Variants in MKS1 observed in about 807,000 individuals in gnomAD.
MKS1 encodes MKS transition zone complex subunit 1.
A neutral mutation model predicts 83.7 loss-of-function variants in MKS1; 70 were observed. The observed-to-expected ratio is 0.84, with a 90% confidence interval of 0.69 to 1.02. The LOEUF is 1.02. Ranked by LOEUF, MKS1 falls within the 50% of genes least tolerant of loss-of-function variation. The pLI is 0.00. For synonymous variants in MKS1, 251 were observed against 273.4 expected (o/e 0.92, Z 0.81); for missense variants, 681 against 726.9 (o/e 0.94, Z 0.73).
Position 58,216,748 on chromosome 17 carries a change from A to G in MKS1, c.191-12T>C, listed in dbSNP as rs778364882. ...TGGGCGGTGTCCACCTCCAAAGACA[A>G]CAGAGTGAATCAAATGCTTGAGCCA... is the stretch of plus-strand genomic sequence containing the variant. On this transcript the variant is annotated splice_polypyrimidine_tract_variant and intron_variant, in intron 2 of 17. Coordinates refer to ENST00000393119, the MANE Select transcript of MKS1 (RefSeq NM_017777.4). The G allele has an allele frequency of 6.2e-7, 1 of 1,613,932 alleles. No individual in the cohort carries two copies. The highest frequency in any genetic ancestry group is 1.7e-5 in the Admixed American group (1 of 60,012).
At position 58,205,814 on chromosome 17, in the gene MKS1, CA is replaced by C; in HGVS notation, c.*264del. 1 of 1,439,710 alleles carries C rather than the reference CA, an allele frequency of 6.9e-7. No homozygotes were observed. Among genetic ancestry groups the C allele is most frequent in the Non-Finnish European group, 9.2e-7 (1 of 1,090,860 alleles). 89.2% of individuals were successfully genotyped at this position (1,439,710 alleles called of 1,614,324 possible). A position where few individuals can be genotyped will look rare whatever the true frequency, so the allele number is the denominator to read the frequency against. On this transcript the variant is annotated 3_prime_UTR_variant, in exon 18 of 18. Transcript: ENST00000393119. ...GGGGTCACCCCAAACAGCTTCAGAT[CA>C]AAAAGCCTGCCTTGCTGTGATGCCC...
intron 12 of MKS1, 80 bp from the exon 13 acceptor site, chr17:58,208,254 C>T (rs757678829): frequency 3.8e-5 from 52 of 1,361,878 alleles, no homozygotes; most frequent in Non-Finnish European, 5.3e-5. Flanking sequence ...AGGTTATCTT[C>T]ACAAGGGAAA....
rs766174298 is a variant in MKS1 at position 58,218,675 on chromosome 17, G to C, written c.135C>G (p.Ala45=). The C allele has an allele frequency of 6.2e-7, 1 of 1,613,932 alleles. No individual in the cohort carries two copies. The highest frequency in any genetic ancestry group is 8.5e-7 in the Non-Finnish European group (1 of 1,179,938). Reference sequence around the variant, plus strand: ...AGTCTATGAGGTCCTTCCCGAGCTCGGCAGCAGGCTGATAATGAAGAAAGT... The same window carrying C: ...AGTCTATGAGGTCCTTCCCGAGCTCCGCAGCAGGCTGATAATGAAGAAAGT... ...SSNFLHYQPA[A]ELGKDLIDLA... is the part of the protein sequence containing the mutation. Residue 45 remains alanine (A), a synonymous_variant, in exon 2 of 18, where the codon GCC becomes GCG. Coordinates refer to ENST00000393119, the MANE Select transcript of MKS1 (RefSeq NM_017777.4).
At chr17:58,214,005 C>A in intron 6 of MKS1, 136 bp from the exon 7 acceptor site, 15 of 975,694 alleles carry the variant, frequency 1.5e-5, no homozygotes, top group Admixed American at 9.3e-5. Flanking sequence ...CCAAGTACAA[C>A]TAAGAAAAAA....
Position 58,206,467 on chromosome 17 carries a change from G to C in MKS1, c.1488C>G (p.Ser496=). ...AGGCAGAGGGCCAAGTCACTCACCT[G>C]GACTGCTGCAGACAGTGCAAGCGGA... ...VTFRLHCLQQ[S]RAFMESSSLQ... is the part of the protein sequence containing the mutation. The change falls in exon 16 of 18, where the codon TCC becomes TCG. Residue 496 remains serine (S), a splice_region_variant and synonymous_variant. Transcript: ENST00000393119. The C allele has an allele frequency of 6.2e-7, 1 of 1,614,140 alleles. No homozygotes were observed. Among genetic ancestry groups the C allele is most frequent in the Non-Finnish European group, 8.5e-7 (1 of 1,180,010 alleles).
At chr17:58,217,816 G>A (rs531585860) in intron 2 of MKS1, among the ~76,000 whole-genome samples, 71 of 152,174 alleles carry the variant, frequency 4.7e-4, no homozygotes, top group African/African-American at 1.6e-3. Context: ...AAAACAAAAC[G>A]AAAACAAAAA....
In MKS1 at chr17:58,214,617, T is replaced by C. The variant is rs1204017273; in HGVS notation, c.515+124A>G. The C allele has an allele frequency of 8.3e-6, 9 of 1,087,956 alleles. No individual in the cohort carries two copies. The African/African-American group carries it at 1.5e-4, about 18-fold the overall frequency. 67.4% of individuals were successfully genotyped at this position (1,087,956 alleles called of 1,614,324 possible). ...AAGATATTTTATATTTTTATATTTA[T>C]TTTTTAAATTAATTACAAAGTAATA... On this transcript the variant is annotated intron_variant, in intron 5 of 17. Coordinates refer to ENST00000393119, the MANE Select transcript of MKS1 (RefSeq NM_017777.4).
At chr17:58,211,488 T>C in intron 9 of MKS1, among the ~76,000 whole-genome samples, 1 of 152,232 alleles carries the variant, frequency 6.6e-6, no homozygotes. Context: ...AATTCTATCC[T>C]TGTTTCCAGG....
Position 58,214,989 on chromosome 17 carries a change from C to T in MKS1, c.418-151G>A, listed in dbSNP as rs961902689. The T allele has an allele frequency of 8.7e-6, 11 of 1,268,452 alleles. No individual in the cohort carries two copies. The East Asian group carries it at 1.4e-4, about 16-fold the overall frequency. 78.6% of individuals were successfully genotyped at this position (1,268,452 alleles called of 1,614,324 possible). ...CAATTATACATGCTAACGGAGGGAG[C>T]AGTAGCCAAACAACCCAAAGAAGAT... On this transcript the variant is annotated intron_variant, in intron 4 of 17. Coordinates refer to ENST00000393119, the MANE Select transcript of MKS1 (RefSeq NM_017777.4).
At chr17:58,212,923 G>A (rs1315604276) in intron 8 of MKS1, 59 bp downstream of exon 8, 1 of 1,530,532 alleles carries the variant, frequency 6.5e-7, no homozygotes, top group Non-Finnish European at 9.1e-7. Context: ...TTCAGAAATG[G>A]TCTCAGCTCC....
chr17:58,207,185 G>C lies in MKS1; in HGVS notation c.1307C>G (p.Pro436Arg). 6.2e-7 allele frequency: 1 copy of C among 1,614,164 alleles called. No individual in the cohort carries two copies. Among genetic ancestry groups the C allele is most frequent in the Non-Finnish European group, 8.5e-7 (1 of 1,180,020 alleles). The change falls in exon 15 of 18, where the codon CCT (proline) becomes CGT (arginine). Residue 436 changes from proline to arginine, a missense_variant. Pro to Arg is a moderately radical substitution (Grantham distance 103). Coordinates refer to ENST00000393119, the MANE Select transcript of MKS1 (RefSeq NM_017777.4). ...CTCAGCCACCGTGCCAAGCTCCACA[G>C]GTCTCCACGTGGAGACTGTCAGGGT... ...SHTLTVSTWR[P>R]VELGTVAELR...
chr17:58,216,032 C>T (rs1020529107), intron 4 of MKS1, 56 bp downstream of exon 4: 1 of 1,599,454 alleles, frequency 6.3e-7, no homozygotes, highest in Non-Finnish European at 8.6e-7. Flanking sequence ...CTCAGTGAGG[C>T]AAAAAAGCTA....
chr17:58,214,412 C>T, intron 5 of MKS1, 25 bp from the exon 6 acceptor site: 1 of 1,612,428 alleles, frequency 6.2e-7, no homozygotes, highest in Non-Finnish European at 8.5e-7. Flanking sequence ...AGAAAGGTCA[C>T]TTCCCTGGCA....
At chr17:58,207,591 A>C in intron 14 of MKS1, 1 of 544,484 alleles carries the variant, frequency 1.8e-6, no homozygotes, top group Non-Finnish European at 3.3e-6. Flanking sequence ...TTTATTCCAA[A>C]CTGAATGCTG....
At chr17:58,207,740 G>A (rs1466645048) in intron 14 of MKS1, 154 bp downstream of exon 14, 1 of 751,954 alleles carries the variant, frequency 1.3e-6, no homozygotes, top group South Asian at 1.5e-5. Flanking sequence ...CTAATGGAGG[G>A]GGGCAGAAAG....
At chr17:58,211,754 T>C (rs555512225) in intron 9 of MKS1, among the ~76,000 whole-genome samples, 28 of 136,326 alleles carry the variant, frequency 2.1e-4, no homozygotes, top group African/African-American at 7.8e-4. Flanking sequence ...TTTGTAGGGA[T>C]GTGGTCTCAC....
intron 12 of MKS1, 134 bp from the exon 13 acceptor site, chr17:58,208,308 A>G (rs933500901): frequency 7.2e-6 from 7 of 970,478 alleles, no homozygotes; most frequent in Admixed American, 4.0e-5. Flanking sequence ...TCTGAGATGC[A>G]AAAGGACACC....
At chr17:58,208,393 CAA>C in intron 12 of MKS1, 118 bp downstream of exon 12, 1 of 1,231,728 alleles carries the variant, frequency 8.1e-7, no homozygotes, top group Non-Finnish European at 1.2e-6. Flanking sequence ...AACCCACACA[CAA>C]GTCACCCAAC....
rs1351474476 is a variant in MKS1, at chr17:58,213,110, GA to G, written c.750-21del. On this transcript the variant is annotated intron_variant, in intron 7 of 17. Transcript: ENST00000393119. ...TCAATCCTGTAAGGTCAAAACCACA[GA>G]AAGGAGCAACTCTAATAATGAGAGA... The G allele has an allele frequency of 3.7e-6, 6 of 1,609,918 alleles. No homozygotes were observed. Among genetic ancestry groups the G allele is most frequent in the Non-Finnish European group, 4.3e-6 (5 of 1,176,288 alleles).
Sources: gnomAD v4.1 joint callset for allele counts (sites outside exome capture counted in the v4.1 genomes callset) on GRCh38, gnomAD v4.1.1 for gene constraint, MANE v1.5 for transcripts, NCBI Gene and HGNC (gene_info 2026-07-23, HGNC 2026-07-21) for gene names.